The following ANKRD13C variants were observed in gnomAD, a reference collection of about 807,000 sequenced individuals.
ANKRD13C encodes ankyrin repeat domain 13C.
ANKRD13C carries 16 observed loss-of-function variants against 65.5 expected under a neutral mutation model. That is an observed-to-expected ratio of 0.24 (90% CI 0.17 to 0.37). ANKRD13C has a LOEUF of 0.37. ANKRD13C is among the 10% of genes least tolerant of loss of function. The probability of loss-of-function intolerance (pLI) is 1.00; values close to 1 mark genes in which losing one functional copy is unlikely to be tolerated. For missense variants in ANKRD13C, 503 were observed against 655.9 expected (o/e 0.77, Z 2.55); for synonymous variants, 235 against 238.7 (o/e 0.98, Z 0.14).
At chr1:70,299,115 G>C (rs1448075521) in intron 7 of ANKRD13C, among the ~76,000 whole-genome samples, 1 of 152,106 alleles carries the variant, frequency 6.6e-6, no homozygotes, top group Non-Finnish European at 1.5e-5. Flanking sequence ...TCATTTGGTG[G>C]GAGAGAAAGT....
intron 6 of ANKRD13C, among the ~76,000 whole-genome samples, chr1:70,301,513 C>T (rs1316877348): frequency 6.6e-6 from 1 of 152,192 alleles, no homozygotes; most frequent in African/African-American, 2.4e-5. Flanking sequence ...CCATCTGATA[C>T]CAAACCTTGC....
intron 11 of ANKRD13C, among the ~76,000 whole-genome samples, chr1:70,271,909 A>G (rs1401965825): frequency 6.6e-6 from 1 of 152,222 alleles, no homozygotes; most frequent in Non-Finnish European, 1.5e-5. Flanking sequence ...TCTATTGCTC[A>G]TGTAATTTCT....
In ANKRD13C at chr1:70,259,787, A is replaced by G. The variant is rs1678332541; in HGVS notation, c.*2930T>C. 6.6e-6 allele frequency among the ~76,000 whole-genome samples: 1 copy of G among 152,176 alleles called. No homozygotes were observed. Among genetic ancestry groups the G allele is most frequent in the South Asian group, 2.1e-4 (1 of 4,828 alleles). On this transcript the variant is annotated 3_prime_UTR_variant, in exon 13 of 13. Coordinates refer to ENST00000370944, the MANE Select transcript of ANKRD13C (RefSeq NM_030816.5). ...TTTGTAAATATGGGTAATATCAATG[A>G]GCAGAAGGAAGCACCTTTAATTCAG...
At chr1:70,310,402 T>C (rs570025256) in intron 5 of ANKRD13C, among the ~76,000 whole-genome samples, 13 of 152,348 alleles carry the variant, frequency 8.5e-5, no homozygotes, top group Middle Eastern at 3.4e-3. Flanking sequence ...GAATTATACA[T>C]GACATCTAAT....
chr1:70,335,628 A>G (rs1255589306), intron 2 of ANKRD13C, among the ~76,000 whole-genome samples: 1 of 151,050 alleles, frequency 6.6e-6, no homozygotes, highest in African/African-American at 2.4e-5. Context: ...ACTTTAATAA[A>G]TACTTAATAA....
intron 1 of ANKRD13C, among the ~76,000 whole-genome samples, chr1:70,342,144 C>A (rs982822984): frequency 6.6e-6 from 1 of 151,620 alleles, no homozygotes; most frequent in African/African-American, 2.4e-5. Flanking sequence ...CCATTTTGGA[C>A]AAGTTAATTT....
intron 1 of ANKRD13C, among the ~76,000 whole-genome samples, chr1:70,353,048 C>A (rs1261950294): frequency 6.6e-5 from 10 of 152,160 alleles, no homozygotes; most frequent in Admixed American, 5.2e-4. Flanking sequence ...TCAGTGTGTT[C>A]TAACTGAATG....
chr1:70,339,138 T>C (rs1355007463), intron 1 of ANKRD13C, among the ~76,000 whole-genome samples: 1 of 148,144 alleles, frequency 6.8e-6, no homozygotes, highest in African/African-American at 2.5e-5. Flanking sequence ...TGAGTCCGGG[T>C]GGCAGAGGTT....
At position 70,300,945 on chromosome 1, in the gene ANKRD13C, A is replaced by G. The variant is rs1453204617; in HGVS notation, c.777-37T>C. On this transcript the variant is annotated intron_variant, in intron 6 of 12. Coordinates refer to ENST00000370944, the MANE Select transcript of ANKRD13C (RefSeq NM_030816.5). ...GGGTAGATGATAAACTCTGACAAAT[A>G]TAATTTTGATAAAACTTCACTAATA... 3 of 1,572,064 alleles carry G rather than the reference A, an allele frequency of 1.9e-6. No individual in the cohort carries two copies. In the African/African-American group the frequency reaches 4.1e-5, roughly 22 times the overall value.
intron 3 of ANKRD13C, among the ~76,000 whole-genome samples, chr1:70,322,353 A>T (rs1032710301): frequency 2.6e-5 from 4 of 152,216 alleles, no homozygotes; most frequent in African/African-American, 9.6e-5. Flanking sequence ...GTTAGCAGTT[A>T]AGTATTTGTT....
At chr1:70,308,671 G>T (rs1275532902) in intron 5 of ANKRD13C, among the ~76,000 whole-genome samples, 1 of 149,298 alleles carries the variant, frequency 6.7e-6, no homozygotes, top group African/African-American at 2.5e-5. Context: ...CCCAGGAGGC[G>T]GAACTTGCAG....
intron 9 of ANKRD13C, among the ~76,000 whole-genome samples, chr1:70,288,437 T>C (rs539893389): frequency 1.3e-5 from 2 of 152,340 alleles, no homozygotes; most frequent in East Asian, 1.9e-4. Flanking sequence ...CAAAAACTTA[T>C]ATGTGAATGT....
intron 9 of ANKRD13C, among the ~76,000 whole-genome samples, chr1:70,284,972 T>C (rs953672851): frequency 5.9e-5 from 9 of 152,108 alleles, no homozygotes; most frequent in African/African-American, 2.2e-4. Flanking sequence ...GGCACTCAAC[T>C]CAGAATAGGC....
intron 8 of ANKRD13C, among the ~76,000 whole-genome samples, 185 bp from the exon 9 acceptor site, chr1:70,292,734 G>T (rs1679913284): frequency 1.3e-5 from 2 of 151,940 alleles, no homozygotes; most frequent in African/African-American, 4.8e-5. Flanking sequence ...TCAATAAGTT[G>T]AAAAATACAC....
chr1:70,342,739 AACACACACAC>A (rs373447795), intron 1 of ANKRD13C, among the ~76,000 whole-genome samples: 10 of 115,262 alleles, frequency 8.7e-5, no homozygotes, highest in East Asian at 2.6e-4. Flanking sequence ...CACACACAAT[AACACACACAC>A]ACACACACAC....
intron 8 of ANKRD13C, among the ~76,000 whole-genome samples, chr1:70,294,510 A>G (rs1679995002): frequency 6.6e-6 from 1 of 152,172 alleles, no homozygotes; most frequent in Non-Finnish European, 1.5e-5. Flanking sequence ...GGCCTAATCT[A>G]ATCAGTTTGA....
At chr1:70,278,345 T>C (rs150993218) in intron 9 of ANKRD13C, among the ~76,000 whole-genome samples, 2,606 of 151,554 alleles carry the variant, frequency 0.017, 82 homozygotes, top group African/African-American at 0.057. Context: ...ATACAAAAAT[T>C]AGCCAGGCGT....
At chr1:70,316,719 G>A (rs1681088466) in intron 3 of ANKRD13C, among the ~76,000 whole-genome samples, 1 of 152,028 alleles carries the variant, frequency 6.6e-6, no homozygotes, top group Non-Finnish European at 1.5e-5. Flanking sequence ...CTATTAGAAT[G>A]AAGGTCTAAA....
At position 70,276,964 on chromosome 1, in the gene ANKRD13C, A is replaced by G. The variant is rs1679167168; in HGVS notation, c.1216-120T>C. 5.3e-6 allele frequency: 4 copies of G among 759,006 alleles called. No individual in the cohort carries two copies. In the African/African-American group the frequency reaches 7.1e-5, roughly 14 times the overall value. The allele number at this position is 759,006 out of a possible 1,614,324, so 47.0% of individuals were successfully genotyped here. ...ACTAACAATCTACTTAATCTCTTCAATATAATACTTGAAAAGGTTCCTTCC... is the reference window on the plus strand; with the variant it reads ...ACTAACAATCTACTTAATCTCTTCAGTATAATACTTGAAAAGGTTCCTTCC... On this transcript the variant is annotated intron_variant, in intron 9 of 12. Transcript: ENST00000370944.
Sources: gnomAD v4.1 joint callset for allele counts (sites outside exome capture counted in the v4.1 genomes callset) on GRCh38, gnomAD v4.1.1 for gene constraint, MANE v1.5 for transcripts, NCBI Gene and HGNC (gene_info 2026-07-23, HGNC 2026-07-21) for gene names.